The following KRT2 variants were observed in gnomAD, a reference collection of about 807,000 sequenced individuals.
The protein encoded by KRT2 is keratin, type II cytoskeletal 2 epidermal.
KRT2 carries 37 observed loss-of-function variants against 48.5 expected under a neutral mutation model. The ratio of observed to expected loss-of-function variants is 0.76; its 90% confidence interval spans 0.59 to 1.00. The LOEUF (loss-of-function observed/expected upper bound fraction) is 1.00, where lower values mean the gene tolerates loss of function less well. Ranked by LOEUF, KRT2 falls within the 50% of genes least tolerant of loss-of-function variation. KRT2 has a pLI of 0.00. For synonymous variants in KRT2, 324 were observed against 312.2 expected (o/e 1.04, Z -0.40); for missense variants, 880 against 815.2 (o/e 1.08, Z -0.97).
Position 52,651,576 on chromosome 12 carries a change from A to C in KRT2, c.567T>G (p.Phe189Leu). ...GAGTCACCTTGTCAATGAAGGAGGC[A>C]AATTTGTTGTTGAGAGTTTTGATCT... ...REQIKTLNNKFASFIDKVRFL... is the reference protein window; with the variant it reads ...REQIKTLNNKLASFIDKVRFL... Residue 189 changes from phenylalanine (F) to leucine (L), a missense_variant, in exon 1 of 9, where the codon TTT becomes TTG. By Grantham distance (22) the Phe-to-Leu change is conservative. Transcript: ENST00000309680. 6.2e-7 allele frequency: 1 copy of C among 1,613,986 alleles called. No homozygotes were observed. The highest frequency in any genetic ancestry group is 8.5e-7 in the Non-Finnish European group (1 of 1,179,858).
intron 5 of KRT2, 60 bp downstream of exon 5, chr12:52,648,113 G>A: frequency 6.4e-7 from 1 of 1,563,886 alleles, no homozygotes; most frequent in Non-Finnish European, 8.8e-7. Flanking sequence ...CTTTCCAGCT[G>A]GGGGTGCAAC....
At position 52,648,234 on chromosome 12, in the gene KRT2, G is replaced by A. The variant is rs763294290; in HGVS notation, c.1061C>T (p.Ala354Val). The change falls in exon 5 of 9, where the codon GCC becomes GTC. Residue 354 changes from alanine (A) to valine (V), a missense_variant. By Grantham distance (64) the Ala-to-Val change is moderately conservative. Transcript: ENST00000309680. Reference protein sequence around the residue: ...DLDSIIAEVKAQYEEIAQRSK... With the variant: ...DLDSIIAEVKVQYEEIAQRSK... ...CCTCTGGGCGATCTCCTCATACTGG[G>A]CCTTGACCTCGGCGATGATGCTATC... The A allele has an allele frequency of 6.2e-7, 1 of 1,614,170 alleles. No individual in the cohort carries two copies. The highest frequency in any genetic ancestry group is 1.1e-5 in the South Asian group (1 of 91,082).
Position 52,651,643 on chromosome 12 carries a change from A to G in KRT2, c.500T>C (p.Val167Ala). The change falls in exon 1 of 9, where the codon GTT becomes GCT. Residue 167 changes from valine (V) to alanine (A), a missense_variant. Transcript: ENST00000309680. ...QSLLQPLNVK[V>A]DPEIQNVKAQ... is the part of the protein sequence containing the mutation. ...CTTCACATTCTGGATCTCTGGGTCAACTTTCACGTTGAGAGGCTGCAGGAG... is the reference window on the plus strand; with the variant it reads ...CTTCACATTCTGGATCTCTGGGTCAGCTTTCACGTTGAGAGGCTGCAGGAG... 5 of 1,614,096 alleles carry G rather than the reference A, an allele frequency of 3.1e-6. No homozygotes were observed. The highest frequency in any genetic ancestry group is 1.3e-5 in the African/African-American group (1 of 74,998).
At chr12:52,649,399 A>T (rs992569862) in intron 3 of KRT2, among the ~76,000 whole-genome samples, 2 of 152,186 alleles carry the variant, frequency 1.3e-5, no homozygotes, top group African/African-American at 4.8e-5. Context: ...CTACAACAGG[A>T]TACGATGTTC....
At chr12:52,647,015 G>A in intron 6 of KRT2, 55 bp from the exon 7 acceptor site, 1 of 1,543,778 alleles carries the variant, frequency 6.5e-7, no homozygotes, top group Non-Finnish European at 8.9e-7. Flanking sequence ...ACAGAGAGCA[G>A]AGGTGTTCGA....
Position 52,647,816 on chromosome 12 carries a change from T to G in KRT2, c.1162A>C (p.Ser388Arg). 1.9e-6 allele frequency: 3 copies of G among 1,614,146 alleles called. No individual in the cohort carries two copies. The highest frequency in any genetic ancestry group is 1.7e-6 in the Non-Finnish European group (2 of 1,180,004). The change falls in exon 6 of 9, where the codon AGC becomes CGC. Residue 388 changes from serine (S) to arginine (R), a missense_variant. Ser to Arg is a moderately radical substitution (Grantham distance 110, BLOSUM62 -1). Transcript: ENST00000309680. Reference protein sequence around the residue: ...LQVTVGRHGDSLKEIKIEISE... With the variant: ...LQVTVGRHGDRLKEIKIEISE... ...ATCTCTATCTTGATCTCTTTCAGGC[T>G]GTCTCCATGTCTCCCGACAGTCACC...
In KRT2 at chr12:52,645,188, A is replaced by G. The variant is rs752272752; in HGVS notation, c.1751T>C (p.Ile584Thr). 1.9e-6 allele frequency: 3 copies of G among 1,613,042 alleles called. No individual in the cohort carries two copies. The African/African-American group carries it at 4.0e-5, about 22-fold the overall frequency. ...GSGGGSKGGS[I>T]SGGGYGSGGG... Reference sequence around the variant, plus strand: ...TCCAGAGCCATATCCTCCTCCAGAGATGGACCCTCCCTTAGAGCCACCACC... The same window carrying G: ...TCCAGAGCCATATCCTCCTCCAGAGGTGGACCCTCCCTTAGAGCCACCACC... The change falls in exon 9 of 9, where the codon ATC becomes ACC. Residue 584 changes from isoleucine (I) to threonine (T), a missense_variant. Transcript: ENST00000309680.
Position 52,647,883 on chromosome 12 carries a change from C to A in KRT2, c.1123-28G>T, listed in dbSNP as rs1487769134. The A allele has an allele frequency of 2.5e-6, 4 of 1,613,794 alleles. No homozygotes were observed. In the African/African-American group the frequency reaches 5.3e-5, roughly 22 times the overall value. On this transcript the variant is annotated intron_variant, in intron 5 of 8. Coordinates refer to ENST00000309680, the MANE Select transcript of KRT2 (RefSeq NM_000423.3). ...GATATGGGGAGAAGAGGACAGTTTG[C>A]AAGGAAGTTCCAGCCTGGCTCACAT...
Position 52,647,789 on chromosome 12 carries a change from T to A in KRT2, c.1189A>T (p.Ser397Cys), listed in dbSNP as rs1032034284. The A allele has an allele frequency of 1.2e-6, 2 of 1,614,092 alleles. No homozygotes were observed. The highest frequency in any genetic ancestry group is 3.3e-5 in the Admixed American group (2 of 60,020). Residue 397 changes from serine to cysteine, a missense_variant, in exon 6 of 9, where the codon AGC becomes TGC. Transcript: ENST00000309680. ...DSLKEIKIEI[S>C]ELNRVIQRLQ... ...CTCTGGATCACGCGGTTCAGCTCGC[T>A]GATCTCTATCTTGATCTCTTTCAGG...
At chr12:52,649,786 T>C in intron 3 of KRT2, 128 bp downstream of exon 3, 2 of 765,124 alleles carry the variant, frequency 2.6e-6, no homozygotes, top group Non-Finnish European at 4.7e-6. Context: ...GAATGTGCCA[T>C]GGGTCTCACT....
Position 52,649,000 on chromosome 12 carries a change from T to G in KRT2, c.957+7A>C. The G allele has an allele frequency of 6.4e-7, 1 of 1,565,468 alleles. No homozygotes were observed. ...AGTAAGGGACTGTCCCGGAGCAGCC[T>G]CCTTACCGCATCATAGAGAACTTTC... is the stretch of plus-strand genomic sequence containing the variant. On this transcript the variant is annotated splice_region_variant and intron_variant, in intron 4 of 8. Coordinates refer to ENST00000309680, the MANE Select transcript of KRT2 (RefSeq NM_000423.3).
At chr12:52,645,698 A>C (rs1565638534) in intron 7 of KRT2, 129 bp from the exon 8 acceptor site, 1 of 852,560 alleles carries the variant, frequency 1.2e-6, no homozygotes, top group East Asian at 2.6e-5. Flanking sequence ...TACACACCCC[A>C]CTTTCTTCTA....
chr12:52,646,215 G>A (rs753077143), intron 7 of KRT2, among the ~76,000 whole-genome samples: 3 of 152,180 alleles, frequency 2.0e-5, no homozygotes, highest in East Asian at 1.9e-4. Context: ...ACGGACAAAG[G>A]TCTCAGACTA....
In KRT2 at chr12:52,651,986, A is replaced by G; in HGVS notation, c.157T>C (p.Phe53Leu). The G allele has an allele frequency of 1.2e-6, 2 of 1,612,930 alleles. No individual in the cohort carries two copies. Among genetic ancestry groups the G allele is most frequent in the Non-Finnish European group, 1.7e-6 (2 of 1,179,722 alleles). The change falls in exon 1 of 9, where the codon TTC becomes CTC. Residue 53 changes from phenylalanine (F) to leucine (L), a missense_variant. Physicochemically the swap from Phe to Leu is conservative, Grantham distance 22. Transcript: ENST00000309680. Reference sequence around the variant, plus strand: ...CGACTGCCAAAGCCGCCTCCACCGAAGCCCCCGCCACCACCACCATGGCGG... The same window carrying G: ...CGACTGCCAAAGCCGCCTCCACCGAGGCCCCCGCCACCACCACCATGGCGG... ...LSRHGGGGGG[F>L]GGGGFGSRSL...
rs771145524 is a variant in KRT2, at chr12:52,645,547, T to C, written c.1492A>G (p.Asn498Asp). 1.9e-6 allele frequency: 3 copies of C among 1,614,202 alleles called. No homozygotes were observed. Among genetic ancestry groups the C allele is most frequent in the Non-Finnish European group, 2.5e-6 (3 of 1,180,032 alleles). ...ECRMSGDLSS[N>D]VTVSVTSSTI... The stretch of plus-strand genomic sequence containing the variant: ...CCCCATTACTTACACACAGTCACAT[T>C]GCTGCTGAGGTCTCCAGACATCCTG... Residue 498 changes from asparagine (N) to aspartate (D), a missense_variant, in exon 8 of 9, where the codon AAT becomes GAT. Physicochemically the swap from Asn to Asp is conservative, Grantham distance 23. Transcript: ENST00000309680.
intron 8 of KRT2, 43 bp from the exon 9 acceptor site, chr12:52,645,477 C>A (rs1358172449): frequency 1.9e-6 from 3 of 1,613,928 alleles, no homozygotes; most frequent in Non-Finnish European, 2.5e-6. Context: ...ATGACTGCCT[C>A]TCCCTGCCTC....
Position 52,646,866 on chromosome 12 carries a change from G to A in KRT2, c.1343C>T (p.Ala448Val), listed in dbSNP as rs1941172098. 1 of 1,614,172 alleles carries A rather than the reference G, an allele frequency of 6.2e-7. No individual in the cohort carries two copies. The highest frequency in any genetic ancestry group is 8.5e-7 in the Non-Finnish European group (1 of 1,180,024). Reference protein sequence around the residue: ...ARNKLNDLEEALQQAKEDLAR... With the variant: ...ARNKLNDLEEVLQQAKEDLAR... Reference sequence around the variant, plus strand: ...CAAGTCCTCCTTGGCCTGCTGCAGGGCCTCCTCCAGGTCATTCAACTTGTT... The same window carrying A: ...CAAGTCCTCCTTGGCCTGCTGCAGGACCTCCTCCAGGTCATTCAACTTGTT... The change falls in exon 7 of 9, where the codon GCC (alanine) becomes GTC (valine). Residue 448 changes from alanine to valine, a missense_variant. Transcript: ENST00000309680.
Position 52,649,989 on chromosome 12 carries a change from A to T in KRT2, c.801-15T>A. 6.3e-7 allele frequency: 1 copy of T among 1,595,648 alleles called. No individual in the cohort carries two copies. The highest frequency in any genetic ancestry group is 1.1e-5 in the South Asian group (1 of 90,714). On this transcript the variant is annotated splice_polypyrimidine_tract_variant and intron_variant, in intron 2 of 8. Transcript: ENST00000309680. ...CATCCTCATACCTATTGGGACACAG[A>T]TGTTACAGCAGTTAGATTAGTTCCC...
At position 52,649,096 on chromosome 12, in the gene KRT2, C is replaced by T; in HGVS notation, c.868G>A (p.Asp290Asn). 1 of 1,608,706 alleles carries T rather than the reference C, an allele frequency of 6.2e-7. No homozygotes were observed. The highest frequency in any genetic ancestry group is 8.5e-7 in the Non-Finnish European group (1 of 1,175,322). The change falls in exon 4 of 9, where the codon GAC becomes AAC. Residue 290 changes from aspartate to asparagine, a missense_variant. By Grantham distance (23) the Asp-to-Asn change is conservative. Coordinates refer to ENST00000309680, the MANE Select transcript of KRT2 (RefSeq NM_000423.3). ...NDFVTLKKDVDNAYMIKVELQ... is the reference protein window; with the variant it reads ...NDFVTLKKDVNNAYMIKVELQ... The stretch of plus-strand genomic sequence containing the variant: ...TCCACCTTTATCATGTAGGCATTGT[C>T]CACGTCCTGCAAGAAAGGTTGAGGC...
Sources: gnomAD v4.1 joint callset for allele counts (sites outside exome capture counted in the v4.1 genomes callset) on GRCh38, gnomAD v4.1.1 for gene constraint, MANE v1.5 for transcripts, NCBI Gene and HGNC (gene_info 2026-07-23, HGNC 2026-07-21) for gene names.